ITM2C: variants seen among roughly 807,000 people sequenced by gnomAD.
ITM2C encodes the protein BRICHOS domain containing 2C.
A neutral mutation model predicts 30.0 loss-of-function variants in ITM2C; 20 were observed. That is an observed-to-expected ratio of 0.67 (90% CI 0.47 to 0.97). ITM2C has a LOEUF of 0.97. ITM2C is among the 50% of genes least tolerant of loss of function. ITM2C has a pLI of 0.00. For missense variants in ITM2C, 366 were observed against 371.9 expected (o/e 0.98, Z 0.13); for synonymous variants, 167 against 156.4 (o/e 1.07, Z -0.51).
intron 2 of ITM2C, 41 bp from the exon 3 acceptor site, chr2:230,875,579 C>A: frequency 1.3e-6 from 2 of 1,552,402 alleles, no homozygotes; most frequent in South Asian, 1.2e-5. Context: ...CGTGTATGAC[C>A]AGCCTCTCTG....
Position 230,869,578 on chromosome 2 carries a change from T to C in ITM2C, c.121-3839T>C, listed in dbSNP as rs550611882. Among the ~76,000 whole-genome samples, 520 of 152,336 alleles carry C rather than the reference T, an allele frequency of 3.4e-3. 4 individuals carry two copies. The highest frequency in any genetic ancestry group is 4.0e-3 in the Non-Finnish European group (272 of 68,010). ...ACCCCCATCTTCCCTGTTCTCAGCC[T>C]GGGCCTCAGGAGTGCGTTTCTGGCT... On this transcript the variant is annotated intron_variant, in intron 1 of 5. Coordinates refer to ENST00000326427, the MANE Select transcript of ITM2C (RefSeq NM_030926.6).
At chr2:230,869,093 CAG>C (rs1179919534) in intron 1 of ITM2C, among the ~76,000 whole-genome samples, 1 of 152,218 alleles carries the variant, frequency 6.6e-6, no homozygotes, top group Non-Finnish European at 1.5e-5. Context: ...GGTGAAATCA[CAG>C]AGGCACAACC....
At chr2:230,874,274 T>C (rs554780347) in intron 2 of ITM2C, among the ~76,000 whole-genome samples, 3 of 152,314 alleles carry the variant, frequency 2.0e-5, no homozygotes, top group African/African-American at 7.2e-5. Context: ...TTTTCCACGA[T>C]GGAAATTGCT....
chr2:230,877,529 C>T lies in ITM2C; in HGVS notation c.691C>T (p.Arg231Trp), dbSNP rs756769382. The T allele has an allele frequency of 3.1e-5, 50 of 1,613,674 alleles. 1 individual carries two copies. Among genetic ancestry groups the T allele is most frequent in the South Asian group, 2.6e-4 (24 of 91,080 alleles). Residue 231 changes from arginine to tryptophan, a missense_variant, in exon 5 of 6, where the codon CGG becomes TGG. Physicochemically the swap from Arg to Trp is moderately radical, Grantham distance 101. Coordinates refer to ENST00000326427, the MANE Select transcript of ITM2C (RefSeq NM_030926.6). The surrounding 1 kb of genome is among the most constrained non-coding windows in gnomAD (Gnocchi z 4.8). ...CAACGGGAAAGACACCTACCGGCTC[C>T]GGCGCCGGGCAACGCGGAGGCGTGA... is the stretch of plus-strand genomic sequence containing the variant. ...LCNGKDTYRLRRRATRRRINK... is the reference protein window; with the variant it reads ...LCNGKDTYRLWRRATRRRINK...
rs541753248 is a variant in ITM2C at position 230,871,931 on chromosome 2, C to G, written c.121-1486C>G. 7.9e-5 allele frequency among the ~76,000 whole-genome samples: 12 copies of G among 152,364 alleles called. No homozygotes were observed. The South Asian group carries it at 2.5e-3, about 32-fold the overall frequency. ...AACCTGAGGAGCGAAGCAGGCGCCC[C>G]CAGGGCAGGACCCCTGTGCTGTGCT... On this transcript the variant is annotated intron_variant, in intron 1 of 5. Transcript: ENST00000326427.
intron 1 of ITM2C, among the ~76,000 whole-genome samples, chr2:230,866,336 G>A (rs1220589589): frequency 6.6e-6 from 1 of 152,220 alleles, no homozygotes; most frequent in Non-Finnish European, 1.5e-5. Context: ...CCCTCCCCAG[G>A]TTTTGTGGCT....
intron 1 of ITM2C, among the ~76,000 whole-genome samples, chr2:230,867,668 ATT>A (rs60130875): frequency 1.1e-4 from 12 of 105,138 alleles, no homozygotes; most frequent in African/African-American, 3.2e-4. Flanking sequence ...ATTTTATTTT[ATT>A]TTTTTTTTTG....
intron 1 of ITM2C, among the ~76,000 whole-genome samples, chr2:230,868,445 C>G (rs1428680161): frequency 7.4e-6 from 1 of 134,632 alleles, no homozygotes; most frequent in East Asian, 2.4e-4. Flanking sequence ...TCTCCCCACA[C>G]CCTGCCTGTG....
In ITM2C at chr2:230,877,775, G is replaced by A. The variant is rs1027918314; in HGVS notation, c.712+225G>A. Among the ~76,000 whole-genome samples the A allele has an allele frequency of 6.6e-6, 1 of 152,194 alleles. No individual in the cohort carries two copies. Among genetic ancestry groups the A allele is most frequent in the African/African-American group, 2.4e-5 (1 of 41,448 alleles). ...TATTTTTGCTGCCCATTTTAAAGAT[G>A]AGGAAACAGGTGCAGAGAGGTTAAC... On this transcript the variant is annotated intron_variant, in intron 5 of 5. Transcript: ENST00000326427. The surrounding 1 kb of genome is among the most constrained non-coding windows in gnomAD (Gnocchi z 4.8).
chr2:230,873,075 C>T (rs565508062), intron 1 of ITM2C, among the ~76,000 whole-genome samples: 74 of 152,210 alleles, frequency 4.9e-4, no homozygotes, highest in Middle Eastern at 3.4e-3. Flanking sequence ...GAATATACCA[C>T]GGTCACGGCT....
At chr2:230,864,794 G>A, upstream of ITM2C, 2 of 273,138 alleles carry the variant, frequency 7.3e-6, no homozygotes, top group Admixed American at 5.5e-5. This position sits in a 1 kb window ranked among gnomAD's most constrained non-coding sequence, Gnocchi z 4.3. Flanking sequence ...GGTGCGGAGC[G>A]GCGCGCCCGG....
chr2:230,878,629 A>G lies in ITM2C; in HGVS notation c.*530A>G, dbSNP rs1690001644. On this transcript the variant is annotated 3_prime_UTR_variant, in exon 6 of 6. Transcript: ENST00000326427. This position sits in a 1 kb window ranked among gnomAD's most constrained non-coding sequence, Gnocchi z 4.5. ...CCAGGGAGGGACCCACCAGAGCACA[A>G]GAGAAGGTGGCTACCTGGGGGTGTC... 1 of 152,894 alleles carries G rather than the reference A, an allele frequency of 6.5e-6. No individual in the cohort carries two copies. The highest frequency in any genetic ancestry group is 2.4e-5 in the African/African-American group (1 of 41,470). 9.5% of individuals were successfully genotyped at this position (152,894 alleles called of 1,614,324 possible).
chr2:230,868,983 A>C, intron 1 of ITM2C, among the ~76,000 whole-genome samples: 1 of 151,940 alleles, frequency 6.6e-6, no homozygotes, highest in South Asian at 2.1e-4. Flanking sequence ...CCATTCCCTC[A>C]TTTCTGCTCT....
At chr2:230,875,529 ATGTAGCG>A in intron 2 of ITM2C, 84 bp from the exon 3 acceptor site, 1 of 1,118,300 alleles carries the variant, frequency 8.9e-7, no homozygotes, top group Non-Finnish European at 1.3e-6. Flanking sequence ...CTTTTGGGGC[ATGTAGCG>A]GACGGGTAGG....
chr2:230,878,169 C>A lies in ITM2C; in HGVS notation c.*70C>A. 1 of 1,127,960 alleles carries A rather than the reference C, an allele frequency of 8.9e-7. No homozygotes were observed. Among genetic ancestry groups the A allele is most frequent in the Non-Finnish European group, 1.3e-6 (1 of 790,394 alleles). 69.9% of individuals were successfully genotyped at this position (1,127,960 alleles called of 1,614,324 possible). ...TTTCCGGCTGCTCTCTGGCCCTCCT[C>A]CTTCCCCCTGCTTAGCTTGTACTTT... On this transcript the variant is annotated 3_prime_UTR_variant, in exon 6 of 6. Coordinates refer to ENST00000326427, the MANE Select transcript of ITM2C (RefSeq NM_030926.6). The surrounding 1 kb of genome is among the most constrained non-coding windows in gnomAD (Gnocchi z 4.5).
Position 230,865,429 on chromosome 2 carries a change from T to G in ITM2C, c.120+284T>G. ...GTCTCTTCCAAAAGTGGGGGCCCCC[T>G]CGCCGCCTTATAGGGGGAGGGGGCT... On this transcript the variant is annotated intron_variant, in intron 1 of 5. Coordinates refer to ENST00000326427, the MANE Select transcript of ITM2C (RefSeq NM_030926.6). This position sits in a 1 kb window ranked among gnomAD's most constrained non-coding sequence, Gnocchi z 6.8. The G allele has an allele frequency of 5.9e-5, 18 of 303,896 alleles. No homozygotes were observed. The highest frequency in any genetic ancestry group is 7.2e-5 in the Non-Finnish European group (12 of 166,742). 18.8% of individuals were successfully genotyped at this position (303,896 alleles called of 1,614,324 possible). A position where few individuals can be genotyped will look rare whatever the true frequency, so the allele number is the denominator to read the frequency against.
At position 230,875,678 on chromosome 2, in the gene ITM2C, A is replaced by T; in HGVS notation, c.320A>T (p.Gln107Leu). 1 of 1,613,244 alleles carries T rather than the reference A, an allele frequency of 6.2e-7. No individual in the cohort carries two copies. Among genetic ancestry groups the T allele is most frequent in the East Asian group, 2.2e-5 (1 of 44,850 alleles). ...CTGTATGAGGACTCCCTGTCCTCCC[A>T]GGTCCGGACTCAGATGGAGCTGGAA... ...GVLYEDSLSS[Q>L]VRTQMELEED... Residue 107 changes from glutamine to leucine, a missense_variant, in exon 3 of 6, where the codon CAG (glutamine) becomes CTG (leucine). Coordinates refer to ENST00000326427, the MANE Select transcript of ITM2C (RefSeq NM_030926.6).
intron 1 of ITM2C, among the ~76,000 whole-genome samples, chr2:230,868,860 C>T (rs1697096203): frequency 6.6e-6 from 1 of 152,238 alleles, no homozygotes; most frequent in African/African-American, 2.4e-5. Context: ...CCTGCTCCAT[C>T]CAGGTCCTTC....
Position 230,873,431 on chromosome 2 carries a change from A to G in ITM2C, c.135A>G (p.Pro45=), listed in dbSNP as rs780558123. 6.3e-7 allele frequency: 1 copy of G among 1,594,360 alleles called. No individual in the cohort carries two copies. The highest frequency in any genetic ancestry group is 8.5e-7 in the Non-Finnish European group (1 of 1,170,604). Residue 45 remains proline (P), a synonymous_variant, in exon 2 of 6, where the codon CCA becomes CCG. Transcript: ENST00000326427. ...GCTATCCACAGGAGGAGCAGCCCCC[A>G]CAACATCGATCCAAGAGGGGGGGCT... is the stretch of plus-strand genomic sequence containing the variant. ...LLTPAREEQP[P]QHRSKRGGSV...
Sources: gnomAD v4.1 joint callset for allele counts (sites outside exome capture counted in the v4.1 genomes callset) on GRCh38, gnomAD v4.1.1 for gene constraint, Gnocchi (gnomAD v3.1) non-coding constraint, MANE v1.5 for transcripts, NCBI Gene and HGNC (gene_info 2026-07-23, HGNC 2026-07-21) for gene names.